CFAP61: variants seen among roughly 807,000 people sequenced by gnomAD.
The protein encoded by CFAP61 is cilia and flagella associated protein 61.
Under a neutral mutation model 135.6 loss-of-function variants are expected in CFAP61, and 107 were observed. The observed-to-expected ratio is 0.79, with a 90% CI of 0.67 to 0.93. The LOEUF (loss-of-function observed/expected upper bound fraction) is 0.93. CFAP61 is among the 40% of genes least tolerant of loss of function. The pLI, the probability that CFAP61 is intolerant of heterozygous loss-of-function variation, is 0.00. For synonymous variants in CFAP61, 575 were observed against 578.5 expected (o/e 0.99, Z 0.09); for missense variants, 1,507 against 1,556.2 (o/e 0.97, Z 0.53).
intron 8 of CFAP61, among the ~76,000 whole-genome samples, chr20:20,116,583 TC>T (rs1908598026): frequency 6.6e-6 from 1 of 152,184 alleles, no homozygotes; most frequent in South Asian, 2.1e-4. Flanking sequence ...TTTAAGATTT[TC>T]ATCCATTTTT....
intron 9 of CFAP61, among the ~76,000 whole-genome samples, chr20:20,144,494 A>G (rs2051695437): frequency 6.6e-6 from 1 of 152,196 alleles, no homozygotes; most frequent in Non-Finnish European, 1.5e-5. Flanking sequence ...AACTTGAAAC[A>G]AATATAAATG....
chr20:20,263,677 T>C (rs2052454648), intron 21 of CFAP61, among the ~76,000 whole-genome samples: 1 of 152,202 alleles, frequency 6.6e-6, no homozygotes, highest in South Asian at 2.1e-4. Flanking sequence ...CACTCAAAAG[T>C]GTATTCTCAA....
intron 22 of CFAP61, among the ~76,000 whole-genome samples, chr20:20,284,330 G>C (rs138145780): frequency 3.7e-4 from 56 of 151,336 alleles, no homozygotes; most frequent in Non-Finnish European, 6.2e-4. Context: ...TTGTTGCCCA[G>C]GCTGGAGTAC....
chr20:20,056,918 G>A, intron 2 of CFAP61, 122 bp downstream of exon 2: 1 of 818,014 alleles, frequency 1.2e-6, no homozygotes, highest in Non-Finnish European at 2.0e-6. Context: ...AGGAGTTCAA[G>A]ACCAGCCTGG....
At chr20:20,170,473 G>GA (rs1410356814) in intron 13 of CFAP61, among the ~76,000 whole-genome samples, 2 of 151,838 alleles carry the variant, frequency 1.3e-5, no homozygotes, top group Non-Finnish European at 2.9e-5. Context: ...GTTTCTACAG[G>GA]AAAAAACAAA....
chr20:20,227,866 A>C (rs1444747119), intron 17 of CFAP61, among the ~76,000 whole-genome samples: 1 of 152,224 alleles, frequency 6.6e-6, no homozygotes, highest in African/African-American at 2.4e-5. Context: ...AACTGTGGAC[A>C]GAAGAAAAGA....
chr20:20,188,190 T>G, intron 14 of CFAP61, 134 bp downstream of exon 14: 1 of 878,638 alleles, frequency 1.1e-6, no homozygotes, highest in Non-Finnish European at 1.8e-6. Flanking sequence ...AGTTAGAAGA[T>G]GGGAGCAAGA....
At chr20:20,261,825 C>T (rs1457251077) in intron 20 of CFAP61, among the ~76,000 whole-genome samples, 1 of 151,660 alleles carries the variant, frequency 6.6e-6, no homozygotes, top group Non-Finnish European at 1.5e-5. Context: ...CTCCAGTTTG[C>T]CACAGTATCC....
chr20:20,175,960 G>T (rs1485229547), intron 13 of CFAP61, among the ~76,000 whole-genome samples: 3 of 152,026 alleles, frequency 2.0e-5, no homozygotes. Flanking sequence ...CTATCCATCT[G>T]ACAAAGGTCT....
chr20:20,056,104 T>C (rs2044311504), intron 1 of CFAP61: 2 of 898,720 alleles, frequency 2.2e-6, no homozygotes, highest in African/African-American at 3.4e-5. Context: ...AAGATGTTAA[T>C]GGGCCTGGTG....
intron 24 of CFAP61, among the ~76,000 whole-genome samples, chr20:20,295,105 C>T (rs76037497): frequency 1.9e-3 from 295 of 152,258 alleles, no homozygotes; most frequent in African/African-American, 6.9e-3. Context: ...AGCCTGCAGC[C>T]TGCAGGGCTC....
intron 8 of CFAP61, among the ~76,000 whole-genome samples, chr20:20,099,917 C>T (rs1437934623): frequency 6.6e-6 from 1 of 152,146 alleles, no homozygotes; most frequent in Non-Finnish European, 1.5e-5. Context: ...TCTGAACATA[C>T]ACACTTATCA....
Position 20,152,868 on chromosome 20 carries a change from G to A in CFAP61, c.952-6502G>A, listed in dbSNP as rs543511722. Among the ~76,000 whole-genome samples the A allele has an allele frequency of 1.1e-4, 17 of 152,186 alleles. No individual in the cohort carries two copies. In the East Asian group the frequency reaches 1.2e-3, roughly 10 times the overall value. On this transcript the variant is annotated intron_variant, in intron 9 of 26. Coordinates refer to ENST00000245957, the MANE Select transcript of CFAP61 (RefSeq NM_015585.4). ...CTTAAACTATACCCTAGAACTAATG[G>A]ACTTAACAGATATTTATAGAACATT...
chr20:20,226,822 C>T (rs1312433743), intron 17 of CFAP61, among the ~76,000 whole-genome samples: 1 of 152,142 alleles, frequency 6.6e-6, no homozygotes, highest in Non-Finnish European at 1.5e-5. Flanking sequence ...GAGTATGCCA[C>T]GTGGTTTACG....
At chr20:20,304,109 T>G (rs2056284069) in intron 25 of CFAP61, among the ~76,000 whole-genome samples, 1 of 152,096 alleles carries the variant, frequency 6.6e-6, no homozygotes. Context: ...TCAGCCGCCA[T>G]GATGCACAGG....
At chr20:20,308,528 A>G (rs1008850513) in intron 25 of CFAP61, among the ~76,000 whole-genome samples, 4 of 152,106 alleles carry the variant, frequency 2.6e-5, no homozygotes, top group African/African-American at 9.7e-5. Context: ...CAGGCCTTGC[A>G]AGGGACACTC....
Position 20,153,338 on chromosome 20 carries a change from C to T in CFAP61, c.952-6032C>T, listed in dbSNP as rs143163055. Among the ~76,000 whole-genome samples, 580 of 152,008 alleles carry T rather than the reference C, an allele frequency of 3.8e-3. 4 individuals carry two copies. Among genetic ancestry groups the T allele is most frequent in the African/African-American group, 0.013 (559 of 41,490 alleles). ...CTAGAGAAACAAGAACAAATCAAAC[C>T]CAAACCCAACAGAAGAAAAGAAATA... On this transcript the variant is annotated intron_variant, in intron 9 of 26. Transcript: ENST00000245957.
At position 20,169,349 on chromosome 20, in the gene CFAP61, C is replaced by T; in HGVS notation, c.1274C>T (p.Pro425Leu). ...SDKNFCVISL[P>L]HLTPEFFLIQ... is the part of the protein sequence containing the mutation. ...AAGAACTTCTGTGTAATTTCTCTGCCCCATCTCACCCCCGAGTTCTTCCTC... is the reference window on the plus strand; with the variant it reads ...AAGAACTTCTGTGTAATTTCTCTGCTCCATCTCACCCCCGAGTTCTTCCTC... Residue 425 changes from proline (P) to leucine (L), a missense_variant, in exon 13 of 27, where the codon CCC (proline) becomes CTC (leucine). Coordinates refer to ENST00000245957, the MANE Select transcript of CFAP61 (RefSeq NM_015585.4). 2 of 1,613,346 alleles carry T rather than the reference C, an allele frequency of 1.2e-6. No homozygotes were observed. The highest frequency in any genetic ancestry group is 1.7e-5 in the Admixed American group (1 of 59,962).
chr20:20,115,469 A>ATT (rs2049074196), intron 8 of CFAP61, among the ~76,000 whole-genome samples: 1 of 151,922 alleles, frequency 6.6e-6, no homozygotes, highest in Admixed American at 6.6e-5. Flanking sequence ...AGCTATTTTG[A>ATT]AATATATAAT....
Sources: allele counts gnomAD v4.1 joint callset (sites outside exome capture counted in the v4.1 genomes callset), GRCh38; gene constraint gnomAD v4.1.1; transcripts MANE v1.5; gene names NCBI Gene and HGNC (gene_info 2026-07-23, HGNC 2026-07-21).